NUP153: variants seen among roughly 807,000 people sequenced by gnomAD.
The protein encoded by NUP153 is nucleoporin 153.
Under a neutral mutation model 134.6 loss-of-function variants are expected in NUP153, and 27 were observed. The ratio of observed to expected loss-of-function variants is 0.20; its 90% CI spans 0.15 to 0.28. NUP153 has a LOEUF of 0.28. Ranked by LOEUF, NUP153 falls within the 10% of genes least tolerant of loss-of-function variation. NUP153 has a pLI of 1.00. For missense variants in NUP153, 1,821 were observed against 1,731.3 expected (o/e 1.05, Z -0.92); for synonymous variants, 640 against 623.5 (o/e 1.03, Z -0.40).
intron 16 of NUP153, among the ~76,000 whole-genome samples, chr6:17,634,114 C>G (rs77013859): frequency 3.9e-5 from 6 of 152,184 alleles, no homozygotes; most frequent in African/African-American, 1.4e-4. Flanking sequence ...GAACCCCCCC[C>G]ATTACTCCCA....
rs1461554550 is a variant in NUP153, at chr6:17,651,834, C to T, written c.1396-2534G>A. On this transcript the variant is annotated intron_variant, in intron 11 of 21. Coordinates refer to ENST00000262077, the MANE Select transcript of NUP153 (RefSeq NM_005124.4). ...TGAGGTTAGGCATGGTAGCACATAC[C>T]TGTAATCTCAGCACTTTGAGAGGCC... The T allele has an allele frequency of 1.8e-5, 12 of 648,802 alleles. No homozygotes were observed. In the East Asian group the frequency reaches 3.3e-4, roughly 18 times the overall value. The allele number at this position is 648,802 out of a possible 1,614,324, so 40.2% of individuals were successfully genotyped here. A position where few individuals can be genotyped will look rare whatever the true frequency, so the allele number is the denominator to read the frequency against.
chr6:17,668,592 C>A (rs755657637), intron 8 of NUP153, among the ~76,000 whole-genome samples: 170 of 151,968 alleles, frequency 1.1e-3, no homozygotes, highest in South Asian at 1.9e-3. Flanking sequence ...ACCTTAGTCC[C>A]GGCACTTTGG....
chr6:17,669,350 A>C lies in NUP153; in HGVS notation c.970-13T>G. 1 of 1,606,594 alleles carries C rather than the reference A, an allele frequency of 6.2e-7. No individual in the cohort carries two copies. The highest frequency in any genetic ancestry group is 8.5e-7 in the Non-Finnish European group (1 of 1,173,368). ...TTCTTTTTGCATCCTGTTAAAGTTG[A>C]AAAAATAACAAAATTAAGATTTTTC... On this transcript the variant is annotated splice_polypyrimidine_tract_variant and intron_variant, in intron 6 of 21. Transcript: ENST00000262077.
intron 1 of NUP153, among the ~76,000 whole-genome samples, chr6:17,691,921 CT>C (rs1362331920): frequency 1.3e-5 from 2 of 152,184 alleles, no homozygotes; most frequent in Non-Finnish European, 2.9e-5. Context: ...TCATCTCAGC[CT>C]TCCAAGTAGC....
Position 17,680,571 on chromosome 6 carries a change from T to C in NUP153, c.335-4801A>G, listed in dbSNP as rs1204209582. Among the ~76,000 whole-genome samples the C allele has an allele frequency of 6.6e-6, 1 of 152,172 alleles. No individual in the cohort carries two copies. The highest frequency in any genetic ancestry group is 2.4e-5 in the African/African-American group (1 of 41,442). On this transcript the variant is annotated intron_variant, in intron 2 of 21. Transcript: ENST00000262077. The surrounding 1 kb of genome is among the most constrained non-coding windows in gnomAD (Gnocchi z 4.5). ...GATACAACACTAAAAGCACAGGCCA[T>C]GGAAGCAAAAACAGACAAACAGGAC...
Position 17,665,319 on chromosome 6 carries a change from G to T in NUP153, c.1135C>A (p.Arg379=). 5.6e-6 allele frequency: 9 copies of T among 1,613,100 alleles called. No homozygotes were observed. The highest frequency in any genetic ancestry group is 2.2e-5 in the East Asian group (1 of 44,788). Residue 379 remains arginine, a synonymous_variant, in exon 9 of 22, where the codon CGA becomes AGA. Coordinates refer to ENST00000262077, the MANE Select transcript of NUP153 (RefSeq NM_005124.4). ...TPKPVSIATN[R]SVYFKPSLTP... ...AGAGATGGTTTAAAATAAACACTTC[G>T]ATTTGTTGCTATGGAAACTGGCTTT...
chr6:17,632,635 T>C lies in NUP153; in HGVS notation c.2659+15A>G, dbSNP rs776198365. ...CGCTTTACCATCACCTTTATTTTTA[T>C]TTTTTTGGCCTTACCTTTAAACCCA... On this transcript the variant is annotated intron_variant, in intron 17 of 21. Transcript: ENST00000262077. 2 of 1,567,266 alleles carry C rather than the reference T, an allele frequency of 1.3e-6. No individual in the cohort carries two copies. Among genetic ancestry groups the C allele is most frequent in the South Asian group, 2.4e-5 (2 of 84,200 alleles).
At chr6:17,636,459 A>G (rs1765555436) in intron 16 of NUP153, among the ~76,000 whole-genome samples, 1 of 152,220 alleles carries the variant, frequency 6.6e-6, no homozygotes, top group African/African-American at 2.4e-5. Context: ...AGAGCTGTAC[A>G]TTACAGACAC....
At chr6:17,643,549 T>C (rs1765969976) in intron 14 of NUP153, among the ~76,000 whole-genome samples, 1 of 152,220 alleles carries the variant, frequency 6.6e-6, no homozygotes, top group Non-Finnish European at 1.5e-5. Flanking sequence ...TCACGTTCTA[T>C]CTTCCTTTAT....
chr6:17,621,559 T>C (rs1411600475), intron 20 of NUP153, among the ~76,000 whole-genome samples: 2 of 152,244 alleles, frequency 1.3e-5, no homozygotes, highest in Non-Finnish European at 2.9e-5. Flanking sequence ...ACAACATCTA[T>C]GGCACTGAAG....
chr6:17,676,354 CAG>C (rs1049985402), intron 2 of NUP153, among the ~76,000 whole-genome samples: 4 of 152,120 alleles, frequency 2.6e-5, no homozygotes, highest in South Asian at 2.1e-4. Context: ...ACTAAATTCC[CAG>C]AGTCTTTATT....
chr6:17,691,270 T>C lies in NUP153; in HGVS notation c.112-2652A>G, dbSNP rs73724607. Among the ~76,000 whole-genome samples the C allele has an allele frequency of 4.6e-3, 699 of 152,356 alleles. 3 individuals carry two copies. Among genetic ancestry groups the C allele is most frequent in the African/African-American group, 0.016 (670 of 41,600 alleles). On this transcript the variant is annotated intron_variant, in intron 1 of 21. Coordinates refer to ENST00000262077, the MANE Select transcript of NUP153 (RefSeq NM_005124.4). ...CTATCAAACACATGAAGCCAAGTTC[T>C]AGAACACTAACTACTGAACAACACC...
intron 17 of NUP153, among the ~76,000 whole-genome samples, chr6:17,632,321 AAAAAAAC>A (rs1316216937): frequency 7.8e-5 from 11 of 140,534 alleles, no homozygotes; most frequent in South Asian, 2.1e-4. Context: ...ACAAACAAAC[AAAAAAAC>A]AAACAAACAA....
At chr6:17,621,424 T>C (rs548574877) in intron 20 of NUP153, among the ~76,000 whole-genome samples, 50 of 152,322 alleles carry the variant, frequency 3.3e-4, no homozygotes, top group Non-Finnish European at 6.6e-4. Context: ...TGCAGCACTA[T>C]TCACAACAGC....
chr6:17,642,747 C>CA lies in NUP153; in HGVS notation c.1721-2684dup, dbSNP rs570607996. On this transcript the variant is annotated intron_variant, in intron 14 of 21. Coordinates refer to ENST00000262077, the MANE Select transcript of NUP153 (RefSeq NM_005124.4). ...AATACACATACACATATGTTCACAGCAGCACTATTCACAATAGCCAAATGG... is the reference window on the plus strand; with the variant it reads ...AATACACATACACATATGTTCACAGCAAGCACTATTCACAATAGCCAAATGG... 4.1e-4 allele frequency among the ~76,000 whole-genome samples: 62 copies of CA among 152,286 alleles called. 1 individual carries two copies. In the South Asian group the frequency reaches 0.012, roughly 29 times the overall value.
chr6:17,643,953 GAATT>G (rs748904787), intron 14 of NUP153, among the ~76,000 whole-genome samples: 25 of 151,654 alleles, frequency 1.6e-4, no homozygotes, highest in East Asian at 3.9e-4. Flanking sequence ...TAATCCTCTT[GAATT>G]AATAGTTAAC....
chr6:17,623,638 G>A (rs1764767083), intron 20 of NUP153, among the ~76,000 whole-genome samples: 1 of 152,118 alleles, frequency 6.6e-6, no homozygotes. Context: ...TGAAACATAT[G>A]TCAACAGTAA....
In NUP153 at chr6:17,625,525, G is replaced by T. The variant is rs567608661; in HGVS notation, c.3901+283C>A. The stretch of plus-strand genomic sequence containing the variant: ...AGCCTGGGTGACAGAGCAAGACTCC[G>T]TCTCGAAAGAAAACAAAAACAAAAA... On this transcript the variant is annotated intron_variant, in intron 19 of 21. Transcript: ENST00000262077. This position sits in a 1 kb window ranked among gnomAD's most constrained non-coding sequence, Gnocchi z 4.7. Among the ~76,000 whole-genome samples, 1 of 152,054 alleles carries T rather than the reference G, an allele frequency of 6.6e-6. No individual in the cohort carries two copies. Among genetic ancestry groups the T allele is most frequent in the South Asian group, 2.1e-4 (1 of 4,826 alleles).
chr6:17,630,326 G>C (rs1019322218), intron 17 of NUP153, among the ~76,000 whole-genome samples: 6 of 152,160 alleles, frequency 3.9e-5, no homozygotes, highest in African/African-American at 1.4e-4. Context: ...GAAGGCAACA[G>C]AAAAACAGAA....
Sources: allele counts gnomAD v4.1 joint callset (sites outside exome capture counted in the v4.1 genomes callset), GRCh38; gene constraint gnomAD v4.1.1; non-coding constraint Gnocchi (gnomAD v3.1); transcripts MANE v1.5; gene names NCBI Gene and HGNC (gene_info 2026-07-23, HGNC 2026-07-21).